The following EXOC4 variants were observed in gnomAD, a reference collection of about 807,000 sequenced individuals.
EXOC4 encodes exocyst complex component 4, also known as SEC8-like 1.
Under a neutral mutation model 107.2 loss-of-function variants are expected in EXOC4, and 71 were observed. That is an observed-to-expected ratio of 0.66 (90% CI 0.55 to 0.81). The LOEUF (loss-of-function observed/expected upper bound fraction) is 0.81, where lower values mean the gene tolerates loss of function less well. EXOC4 is among the 30% of genes least tolerant of loss of function. EXOC4 has a pLI of 0.00. For missense variants in EXOC4, 1,108 were observed against 1,189.6 expected, an observed-to-expected ratio of 0.93 and a Z score of 1.01; for synonymous variants, 456 against 441.2, an observed-to-expected ratio of 1.03 and a Z score of -0.42.
At chr7:133,994,323 C>T (rs1430525550) in intron 14 of EXOC4, among the ~76,000 whole-genome samples, 4 of 152,020 alleles carry the variant, frequency 2.6e-5, no homozygotes, top group Admixed American at 2.0e-4. Flanking sequence ...CATAGTATTC[C>T]GTGGCATATA....
intron 17 of EXOC4, 107 bp from the exon 18 acceptor site, chr7:134,064,184 C>T (rs527910320): frequency 4.8e-5 from 31 of 649,892 alleles, no homozygotes; most frequent in African/African-American, 4.3e-4. Context: ...GCTGATCAAT[C>T]GTTATGAAGT....
At chr7:133,358,238 C>T (rs1027341524) in intron 6 of EXOC4, among the ~76,000 whole-genome samples, 1 of 152,064 alleles carries the variant, frequency 6.6e-6, no homozygotes. Context: ...CAAACAAAAA[C>T]ACCAAAAGTA....
Position 133,438,917 on chromosome 7 carries a change from T to C in EXOC4, c.1183-36411T>C, listed in dbSNP as rs560402532. Among the ~76,000 whole-genome samples the C allele has an allele frequency of 2.6e-5, 4 of 152,296 alleles. No individual in the cohort carries two copies. The South Asian group carries it at 8.3e-4, about 32-fold the overall frequency. ...AGATGACAGTAGGTCAGTTCATTAG[T>C]ATATTTTGCTGAGGTGCTGATAGAA... On this transcript the variant is annotated intron_variant, in intron 7 of 17. Transcript: ENST00000253861.
chr7:133,302,693 A>G (rs1216001378), intron 3 of EXOC4, among the ~76,000 whole-genome samples: 2 of 152,082 alleles, frequency 1.3e-5, no homozygotes, highest in African/African-American at 4.8e-5. Flanking sequence ...TTTAATATAT[A>G]TTTGTGACAT....
At chr7:133,278,832 A>G (rs1208570548) in intron 2 of EXOC4, among the ~76,000 whole-genome samples, 1 of 152,020 alleles carries the variant, frequency 6.6e-6, no homozygotes, top group African/African-American at 2.4e-5. Context: ...TTTTACTATT[A>G]TTATACTTTA....
At chr7:134,088,188 A>G in the EXOC4 span, among the ~76,000 whole-genome samples, 1 of 152,166 alleles carries the variant, frequency 6.6e-6, no homozygotes, top group African/African-American at 2.4e-5. Context: ...TATTGGCTCT[A>G]TAAGTCAAGT....
chr7:133,628,828 C>G (rs985348919), intron 9 of EXOC4, among the ~76,000 whole-genome samples: 2 of 152,244 alleles, frequency 1.3e-5, no homozygotes, highest in Admixed American at 6.5e-5. Context: ...AATAGGAAAG[C>G]CTTCTGTTTA....
At chr7:133,730,612 TTCTGTC>T (rs1359168081) in intron 10 of EXOC4, among the ~76,000 whole-genome samples, 1 of 152,160 alleles carries the variant, frequency 6.6e-6, no homozygotes, top group Non-Finnish European at 1.5e-5. Context: ...GTCATTAATC[TTCTGTC>T]TCTCCTCTCT....
intron 9 of EXOC4, among the ~76,000 whole-genome samples, chr7:133,559,243 G>C (rs1462746509): frequency 6.6e-6 from 1 of 151,940 alleles, no homozygotes; most frequent in East Asian, 1.9e-4. Flanking sequence ...TATGTTATCT[G>C]TTACTATGCA....
chr7:133,787,955 T>TTTTTTATATA (rs774395151), intron 10 of EXOC4, among the ~76,000 whole-genome samples: 4 of 31,640 alleles, frequency 1.3e-4, no homozygotes, highest in East Asian at 2.0e-3. Context: ...GTGCATATAT[T>TTTTTTATATA]TATATATTTA....
chr7:133,360,804 A>C (rs1254891314), intron 6 of EXOC4, among the ~76,000 whole-genome samples: 3 of 152,262 alleles, frequency 2.0e-5, no homozygotes, highest in African/African-American at 7.2e-5. Context: ...TATTTTAATC[A>C]CAAGAAATTA....
Position 133,787,963 on chromosome 7 carries a change from T to TTATA in EXOC4, c.1515-29316_1515-29313dup, listed in dbSNP as rs1163259405. On this transcript the variant is annotated intron_variant, in intron 10 of 17. Transcript: ENST00000253861. ...CTTCCCTGTGCATATATTTATATAT[T>TTATA]TATATATATATATATATATATATAT... 3.8e-3 allele frequency among the ~76,000 whole-genome samples: 155 copies of TTATA among 40,880 alleles called. 3 individuals are homozygous for TTATA. The highest frequency in any genetic ancestry group is 4.8e-3 in the Non-Finnish European group (106 of 22,042). The allele number at this position is 40,880 out of a possible 152,430, so 26.8% of individuals were successfully genotyped here. A position where few individuals can be genotyped will look rare whatever the true frequency, so the allele number is the denominator to read the frequency against.
At chr7:133,973,623 C>G (rs931882359) in intron 14 of EXOC4, among the ~76,000 whole-genome samples, 1 of 152,108 alleles carries the variant, frequency 6.6e-6, no homozygotes, top group Non-Finnish European at 1.5e-5. Flanking sequence ...AGATTTTAGA[C>G]TAAAAGAGAC....
intron 7 of EXOC4, among the ~76,000 whole-genome samples, chr7:133,393,578 A>G (rs77215433): frequency 0.043 from 6,503 of 152,222 alleles, 469 homozygotes; most frequent in African/African-American, 0.15. Flanking sequence ...GGCTTTGGGA[A>G]GTAATTAAGT....
intron 12 of EXOC4, among the ~76,000 whole-genome samples, chr7:133,903,118 C>T (rs1207787430): frequency 6.6e-6 from 1 of 152,024 alleles, no homozygotes; most frequent in African/African-American, 2.4e-5. Context: ...TAAGGAACAG[C>T]AAGGAGGCCA....
At position 133,877,095 on chromosome 7, in the gene EXOC4, T is replaced by A. The variant is rs192517678; in HGVS notation, c.1735-18504T>A. 2.4e-3 allele frequency among the ~76,000 whole-genome samples: 368 copies of A among 152,160 alleles called. 5 individuals carry two copies. Among genetic ancestry groups the A allele is most frequent in the African/African-American group, 8.2e-3 (340 of 41,514 alleles). On this transcript the variant is annotated intron_variant, in intron 11 of 17. Transcript: ENST00000253861. Reference sequence around the variant, plus strand: ...TTCGCTGACTCTCCTATTTTTTTTTTAATCATTTTTTCTGTCTGTGTTTTA... The same window carrying A: ...TTCGCTGACTCTCCTATTTTTTTTTAAATCATTTTTTCTGTCTGTGTTTTA...
Position 133,453,702 on chromosome 7 carries a change from AAG to A in EXOC4, c.1183-21621_1183-21620del, listed in dbSNP as rs558067173. On this transcript the variant is annotated intron_variant, in intron 7 of 17. Transcript: ENST00000253861. ...ATGCATACCTTTTAAGCATGTATTA[AAG>A]AGAGTATTCTTTTTACTAAAGTTAT... 1.2e-4 allele frequency among the ~76,000 whole-genome samples: 19 copies of A among 152,184 alleles called. 1 individual carries two copies. In the South Asian group the frequency reaches 1.7e-3, roughly 13 times the overall value.
At chr7:133,702,056 AGT>A (rs1277740505) in intron 10 of EXOC4, among the ~76,000 whole-genome samples, 2 of 131,994 alleles carry the variant, frequency 1.5e-5, no homozygotes, top group African/African-American at 5.8e-5. Flanking sequence ...GCTGGAGTAC[AGT>A]GTGGTGATCT....
intron 7 of EXOC4, among the ~76,000 whole-genome samples, chr7:133,397,434 C>T (rs1240355641): frequency 1.3e-5 from 2 of 151,820 alleles, no homozygotes; most frequent in African/African-American, 4.8e-5. Context: ...GCGCCCGGCT[C>T]ATTTGGTTTT....
Sources: gnomAD v4.1 joint callset for allele counts (sites outside exome capture counted in the v4.1 genomes callset) on GRCh38, gnomAD v4.1.1 for gene constraint, MANE v1.5 for transcripts, NCBI Gene and HGNC (gene_info 2026-07-23, HGNC 2026-07-21) for gene names.